FAM241A: variants seen among roughly 807,000 people sequenced by gnomAD.
FAM241A encodes the protein family with sequence similarity 241 member A, also known as uncharacterized protein FAM241A.
A neutral mutation model predicts 12.2 loss-of-function variants in FAM241A; 7 were observed. The observed-to-expected ratio is 0.58, with a 90% CI of 0.33 to 1.08. The LOEUF is 1.08. FAM241A is among the 50% of genes least tolerant of loss of function. The pLI, the probability that FAM241A is intolerant of heterozygous loss-of-function variation, is 0.04. For missense variants in FAM241A, 161 were observed against 169.7 expected, an observed-to-expected ratio of 0.95 and a Z score of 0.29; for synonymous variants, 74 against 68.2, an observed-to-expected ratio of 1.08 and a Z score of -0.42.
At position 112,194,333 on chromosome 4, in the gene FAM241A, T is replaced by G. The variant is rs1356436926; in HGVS notation, c.*7395T>G. ...ACTTCCTCTTTTCCTAATTGAATACTTTTTACTTCCTTCTCCTGCCTAATT... is the reference window on the plus strand; with the variant it reads ...ACTTCCTCTTTTCCTAATTGAATACGTTTTACTTCCTTCTCCTGCCTAATT... On this transcript the variant is annotated 3_prime_UTR_variant, in exon 2 of 2. Coordinates refer to ENST00000309733, the MANE Select transcript of FAM241A (RefSeq NM_152400.3). 1.3e-5 allele frequency: 2 copies of G among 152,140 alleles called. No individual in the cohort carries two copies. Among genetic ancestry groups the G allele is most frequent in the East Asian group, 3.9e-4 (2 of 5,190 alleles). The allele number at this position is 152,140 out of a possible 1,614,324, so 9.4% of individuals were successfully genotyped here.
rs757451032 is a variant in FAM241A, at chr4:112,191,438, C to G, written c.*4500C>G. The G allele has an allele frequency of 6.6e-6, 1 of 152,136 alleles. No homozygotes were observed. The highest frequency in any genetic ancestry group is 1.5e-5 in the Non-Finnish European group (1 of 68,028). The allele number at this position is 152,136 out of a possible 1,614,324, so 9.4% of individuals were successfully genotyped here. ...AATCTTTTCAATGGCTTTCTGTTTT[C>G]GTTATGATAAAGTCCTTATGCCTTA... is the stretch of plus-strand genomic sequence containing the variant. On this transcript the variant is annotated 3_prime_UTR_variant, in exon 2 of 2. Coordinates refer to ENST00000309733, the MANE Select transcript of FAM241A (RefSeq NM_152400.3).
rs145400992 is a variant in FAM241A, at chr4:112,163,556, A to G, written c.153+17823A>G. On this transcript the variant is annotated intron_variant, in intron 1 of 1. Transcript: ENST00000309733. Reference sequence around the variant, plus strand: ...ATTTATACAGCCAAAAGACACATGAAAAAATGCTCACCATCACTGGTCATC... The same window carrying G: ...ATTTATACAGCCAAAAGACACATGAGAAAATGCTCACCATCACTGGTCATC... Among the ~76,000 whole-genome samples the G allele has an allele frequency of 3.0e-3, 463 of 152,366 alleles. 6 individuals carry two copies. The highest frequency in any genetic ancestry group is 0.011 in the African/African-American group (442 of 41,584).
intron 1 of FAM241A, among the ~76,000 whole-genome samples, chr4:112,163,184 T>C (rs1170134935): frequency 6.6e-6 from 1 of 152,128 alleles, no homozygotes; most frequent in Non-Finnish European, 1.5e-5. Context: ...ACTTAAATAT[T>C]AGACCTAAAA....
In FAM241A at chr4:112,191,870, A is replaced by G. The variant is rs535219578; in HGVS notation, c.*4932A>G. ...ATTAAATTAATCAATAGGCTTCACA[A>G]GGGAAGAGAACATGTCTGTCATTCT... On this transcript the variant is annotated 3_prime_UTR_variant, in exon 2 of 2. Coordinates refer to ENST00000309733, the MANE Select transcript of FAM241A (RefSeq NM_152400.3). 1 of 152,276 alleles carries G rather than the reference A, an allele frequency of 6.6e-6. No individual in the cohort carries two copies. Among genetic ancestry groups the G allele is most frequent in the African/African-American group, 2.4e-5 (1 of 41,530 alleles). The allele number at this position is 152,276 out of a possible 1,614,324, so 9.4% of individuals were successfully genotyped here.
Position 112,194,063 on chromosome 4 carries a change from C to T in FAM241A, c.*7125C>T, listed in dbSNP as rs1327948904. 5.6e-5 allele frequency: 8 copies of T among 142,406 alleles called. No individual in the cohort carries two copies. Among genetic ancestry groups the T allele is most frequent in the Middle Eastern group, 3.5e-3 (1 of 286 alleles). 8.8% of individuals were successfully genotyped at this position (142,406 alleles called of 1,614,324 possible). On this transcript the variant is annotated 3_prime_UTR_variant, in exon 2 of 2. Transcript: ENST00000309733. ...TAGTTCTCCTTGAAGAGGTCCTTCA[C>T]GTCCCTTGTAAGTTGGATTCCTAGG...
chr4:112,162,951 A>G (rs1400705254), intron 1 of FAM241A, among the ~76,000 whole-genome samples: 1 of 152,222 alleles, frequency 6.6e-6, no homozygotes, highest in Non-Finnish European at 1.5e-5. Flanking sequence ...TGGTACTGCT[A>G]CGAAAACAGA....
At chr4:112,177,268 A>C (rs1578378024) in intron 1 of FAM241A, among the ~76,000 whole-genome samples, 2 of 150,348 alleles carry the variant, frequency 1.3e-5, no homozygotes, top group Middle Eastern at 6.9e-3. Flanking sequence ...TTTGCTGTGT[A>C]AAATGTATTC....
At chr4:112,164,869 G>A (rs1401603319) in intron 1 of FAM241A, among the ~76,000 whole-genome samples, 1 of 152,174 alleles carries the variant, frequency 6.6e-6, no homozygotes, top group Non-Finnish European at 1.5e-5. Context: ...CCAGCACTTT[G>A]GGAGGCCTAG....
chr4:112,160,104 A>G (rs1050443962), intron 1 of FAM241A, among the ~76,000 whole-genome samples: 2 of 152,146 alleles, frequency 1.3e-5, no homozygotes, highest in African/African-American at 2.4e-5. Flanking sequence ...ACACACAAAA[A>G]TCAAAATCAG....
At chr4:112,162,894 T>C (rs1017138919) in intron 1 of FAM241A, among the ~76,000 whole-genome samples, 6 of 152,178 alleles carry the variant, frequency 3.9e-5, no homozygotes, top group African/African-American at 1.4e-4. Context: ...GGCATCACAC[T>C]ACCTGACTTC....
At chr4:112,185,885 C>T (rs1264412773) in intron 1 of FAM241A, among the ~76,000 whole-genome samples, 2 of 152,136 alleles carry the variant, frequency 1.3e-5, no homozygotes, top group East Asian at 1.9e-4. Context: ...GAAACCCATC[C>T]GAAGGAAACA....
intron 1 of FAM241A, among the ~76,000 whole-genome samples, chr4:112,181,782 G>A (rs1275791347): frequency 1.3e-5 from 2 of 152,204 alleles, no homozygotes; most frequent in South Asian, 2.1e-4. Flanking sequence ...AGACAGGAAG[G>A]CTGATGACAG....
chr4:112,154,315 A>G (rs1483141145), intron 1 of FAM241A, among the ~76,000 whole-genome samples: 1 of 152,054 alleles, frequency 6.6e-6, no homozygotes, highest in Non-Finnish European at 1.5e-5. Context: ...TTGCCCAAGC[A>G]GGAGTGCAAT....
intron 1 of FAM241A, among the ~76,000 whole-genome samples, chr4:112,155,618 TG>T (rs939142951): frequency 6.6e-6 from 1 of 151,938 alleles, no homozygotes; most frequent in African/African-American, 2.4e-5. Flanking sequence ...TTTAACGTTT[TG>T]TAGGAAATGA....
At chr4:112,184,128 A>G (rs1723995361) in intron 1 of FAM241A, among the ~76,000 whole-genome samples, 4 of 152,244 alleles carry the variant, frequency 2.6e-5, no homozygotes, top group South Asian at 2.1e-4. Context: ...CATGTCACTC[A>G]GTTAAAGTGT....
chr4:112,151,129 TG>T lies in FAM241A; in HGVS notation c.153+5401del, dbSNP rs531947155. On this transcript the variant is annotated intron_variant, in intron 1 of 1. Transcript: ENST00000309733. The stretch of plus-strand genomic sequence containing the variant: ...GATCTGGTGGGAGGTGTTTTGATCA[TG>T]GGGGTAGATCCCTCATAAACGGCTT... Among the ~76,000 whole-genome samples the T allele has an allele frequency of 3.3e-3, 500 of 152,280 alleles. 3 individuals carry two copies. Among genetic ancestry groups the T allele is most frequent in the African/African-American group, 0.011 (450 of 41,554 alleles).
At chr4:112,159,568 A>G (rs192628007) in intron 1 of FAM241A, among the ~76,000 whole-genome samples, 1 of 152,334 alleles carries the variant, frequency 6.6e-6, no homozygotes. Context: ...AATATACTAA[A>G]AAGGTTATTC....
intron 1 of FAM241A, among the ~76,000 whole-genome samples, chr4:112,177,889 G>A (rs6835452): frequency 0.092 from 14,043 of 152,168 alleles, 793 homozygotes; most frequent in African/African-American, 0.15. Context: ...ATGCTCATGG[G>A]AGAATATAAT....
chr4:112,186,896 A>G lies in FAM241A; in HGVS notation c.357A>G (p.Leu119=). 6.2e-7 allele frequency: 1 copy of G among 1,613,988 alleles called. No homozygotes were observed. The highest frequency in any genetic ancestry group is 8.5e-7 in the Non-Finnish European group (1 of 1,179,924). Residue 119 remains leucine, a synonymous_variant, in exon 2 of 2, where the codon CTA becomes CTG. Transcript: ENST00000309733. ...LWFLGLQALG[L]VAVLCLVIIY... is the part of the protein sequence containing the mutation. ...TCCTTGGCCTGCAAGCCCTTGGACT[A>G]GTTGCTGTTCTTTGCCTTGTTATTA... is the stretch of plus-strand genomic sequence containing the variant.
Sources: gnomAD v4.1 joint callset for allele counts (sites outside exome capture counted in the v4.1 genomes callset) on GRCh38, gnomAD v4.1.1 for gene constraint, MANE v1.5 for transcripts, NCBI Gene and HGNC (gene_info 2026-07-23, HGNC 2026-07-21) for gene names.